Variants in PHC3 observed in about 807,000 individuals in gnomAD.
The protein encoded by PHC3 is polyhomeotic-like protein 3.
A neutral mutation model predicts 107.4 loss-of-function variants in PHC3; 13 were observed. That is an observed-to-expected ratio of 0.12 (90% CI 0.08 to 0.19). PHC3 has a LOEUF of 0.19. PHC3 is among the 10% of genes least tolerant of loss of function. The pLI is 1.00. For missense variants in PHC3, 992 were observed against 1,210.9 expected, an observed-to-expected ratio of 0.82 and a Z score of 2.68; for synonymous variants, 456 against 427.4, an observed-to-expected ratio of 1.07 and a Z score of -0.83.
At chr3:170,177,516 A>G (rs1215907748) in intron 2 of PHC3, among the ~76,000 whole-genome samples, 1 of 151,914 alleles carries the variant, frequency 6.6e-6, no homozygotes, top group Non-Finnish European at 1.5e-5. Context: ...ACAGGTATGC[A>G]TTACCATGCC....
chr3:170,168,583 G>A (rs1032776897), intron 4 of PHC3, among the ~76,000 whole-genome samples: 11 of 151,922 alleles, frequency 7.2e-5, no homozygotes, highest in African/African-American at 2.7e-4. Context: ...GGCTAAGACG[G>A]TGAAATCCCA....
chr3:170,159,948 C>T (rs1190385468), intron 4 of PHC3, among the ~76,000 whole-genome samples: 4 of 152,100 alleles, frequency 2.6e-5, no homozygotes, highest in Non-Finnish European at 5.9e-5. Context: ...AATTTTCAAG[C>T]CCACAAAGAT....
At chr3:170,172,775 T>C (rs1729811334) in intron 2 of PHC3, 63 bp from the exon 3 acceptor site, 1 of 1,523,544 alleles carries the variant, frequency 6.6e-7, no homozygotes, top group Non-Finnish European at 8.8e-7. Context: ...AATCAGAAAA[T>C]CAAAGTATAA....
At chr3:170,114,091 C>T (rs1446761924) in intron 10 of PHC3, among the ~76,000 whole-genome samples, 1 of 152,174 alleles carries the variant, frequency 6.6e-6, no homozygotes, top group African/African-American at 2.4e-5. Context: ...CTCACCACAA[C>T]CTCCACCTCC....
chr3:170,180,733 G>A (rs1357276710), intron 1 of PHC3, among the ~76,000 whole-genome samples: 2 of 152,098 alleles, frequency 1.3e-5, no homozygotes, highest in African/African-American at 4.8e-5. Context: ...GCCAGCTTAA[G>A]TTCTGGTTTT....
intron 4 of PHC3, among the ~76,000 whole-genome samples, chr3:170,156,109 A>G (rs1463883547): frequency 2.0e-5 from 3 of 152,164 alleles, no homozygotes; most frequent in Non-Finnish European, 4.4e-5. Flanking sequence ...AATGCTATAT[A>G]GAAATTTTAT....
At position 170,096,094 on chromosome 3, in the gene PHC3, GCA is replaced by G. The variant is rs1259489399; in HGVS notation, c.*1134_*1135del. The G allele has an allele frequency of 1.3e-5, 2 of 152,276 alleles. No individual in the cohort carries two copies. The highest frequency in any genetic ancestry group is 2.1e-4 in the South Asian group (1 of 4,826). The allele number at this position is 152,276 out of a possible 1,614,324, so 9.4% of individuals were successfully genotyped here. ...ATTATGTCTTCGTCAGTGCAGAGGAGCACAGAGGTATGAAAGATAATCAGAAT... is the reference window on the plus strand; with the variant it reads ...ATTATGTCTTCGTCAGTGCAGAGGAGCAGAGGTATGAAAGATAATCAGAAT... On this transcript the variant is annotated 3_prime_UTR_variant, in exon 15 of 15. Transcript: ENST00000495893.
At chr3:170,153,614 A>C (rs914405470) in intron 4 of PHC3, among the ~76,000 whole-genome samples, 2 of 151,952 alleles carry the variant, frequency 1.3e-5, no homozygotes, top group African/African-American at 4.8e-5. Flanking sequence ...ATACAAAAAA[A>C]TAGCCAGGCG....
chr3:170,103,179 G>A (rs1159524841), intron 12 of PHC3, among the ~76,000 whole-genome samples: 1 of 152,110 alleles, frequency 6.6e-6, no homozygotes, highest in East Asian at 1.9e-4. Flanking sequence ...ACAAGGTATT[G>A]TATTTTTTCC....
intron 4 of PHC3, among the ~76,000 whole-genome samples, chr3:170,152,925 G>C (rs1274856422): frequency 6.6e-6 from 1 of 152,088 alleles, no homozygotes; most frequent in Non-Finnish European, 1.5e-5. Flanking sequence ...GCCTCCCAAA[G>C]TGCTGGGATT....
chr3:170,178,777 A>G lies in PHC3; in HGVS notation c.176T>C (p.Val59Ala). ...SVYSGSDRHA[V>A]QVIQQALHRP... ...CCATCACTACAGCTGAAATACCTGT[A>G]CAGCATGTCGGTCTGAACCACTGTA... The change falls in exon 2 of 15, where the codon GTA (valine) becomes GCA (alanine). Residue 59 changes from valine (V) to alanine (A), a missense_variant. Physicochemically the swap from Val to Ala is moderately conservative, Grantham distance 64. This residue lies in a region of PHC3 where 161 missense variants were observed against 183.7 expected (regional missense o/e 0.88). Transcript: ENST00000495893. 1 of 1,613,990 alleles carries G rather than the reference A, an allele frequency of 6.2e-7. No individual in the cohort carries two copies. The highest frequency in any genetic ancestry group is 8.5e-7 in the Non-Finnish European group (1 of 1,179,848).
At chr3:170,163,931 G>A in intron 4 of PHC3, among the ~76,000 whole-genome samples, 1 of 151,312 alleles carries the variant, frequency 6.6e-6, no homozygotes, top group East Asian at 1.9e-4. Context: ...CAGGCACAGT[G>A]GCTCACGCCT....
At chr3:170,138,291 T>C (rs1001685320) in intron 6 of PHC3, among the ~76,000 whole-genome samples, 6 of 152,224 alleles carry the variant, frequency 3.9e-5, no homozygotes, top group Non-Finnish European at 8.8e-5. Flanking sequence ...AAGAATTTTC[T>C]AATTGAAACC....
At chr3:170,163,522 T>C (rs1728247804) in intron 4 of PHC3, among the ~76,000 whole-genome samples, 1 of 148,318 alleles carries the variant, frequency 6.7e-6, no homozygotes, top group African/African-American at 2.5e-5. Context: ...TGTCCTCACA[T>C]GAAAACAAAC....
At position 170,090,210 on chromosome 3, in the gene PHC3, C is replaced by T. The variant is rs1458332170; in HGVS notation, c.*7020G>A. ...ATTATGATATGATTCACTCAGACCC[C>T]TTAGATGTCATCTAGCCTAACCCTT... On this transcript the variant is annotated 3_prime_UTR_variant, in exon 15 of 15. Transcript: ENST00000495893. The T allele has an allele frequency of 2.0e-5, 3 of 152,160 alleles. No individual in the cohort carries two copies. Among genetic ancestry groups the T allele is most frequent in the African/African-American group, 4.8e-5 (2 of 41,422 alleles). 9.4% of individuals were successfully genotyped at this position (152,160 alleles called of 1,614,324 possible).
At chr3:170,116,355 G>C (rs1718964368) in intron 10 of PHC3, among the ~76,000 whole-genome samples, 1 of 152,170 alleles carries the variant, frequency 6.6e-6, no homozygotes, top group African/African-American at 2.4e-5. Flanking sequence ...CTTGAGGCCA[G>C]GAGTTTGAGA....
chr3:170,158,357 T>G (rs1192855818), intron 4 of PHC3, among the ~76,000 whole-genome samples: 1 of 151,676 alleles, frequency 6.6e-6, no homozygotes, highest in Non-Finnish European at 1.5e-5. Flanking sequence ...AGACTCCATC[T>G]CAACAAAAAA....
intron 14 of PHC3, 125 bp downstream of exon 14, chr3:170,102,354 C>T: frequency 6.9e-7 from 1 of 1,458,920 alleles, no homozygotes; most frequent in Non-Finnish European, 9.0e-7. Context: ...TAACAAATGT[C>T]ATTTTATTTA....
At position 170,097,693 on chromosome 3, in the gene PHC3, T is replaced by A. The variant is rs1714813661; in HGVS notation, c.2834-309A>T. ...TCCTTCACAAAAAGGACTATGGTGT[T>A]ACCTCAAAGCATGCCACATAACAGG... is the stretch of plus-strand genomic sequence containing the variant. On this transcript the variant is annotated intron_variant, in intron 14 of 14. Transcript: ENST00000495893. This position sits in a 1 kb window ranked among gnomAD's most constrained non-coding sequence, Gnocchi z 4.1. 1.3e-5 allele frequency among the ~76,000 whole-genome samples: 2 copies of A among 152,200 alleles called. No homozygotes were observed. Among genetic ancestry groups the A allele is most frequent in the Admixed American group, 6.5e-5 (1 of 15,274 alleles).
Sources: allele counts gnomAD v4.1 joint callset (sites outside exome capture counted in the v4.1 genomes callset), GRCh38; gene constraint gnomAD v4.1.1; regional missense constraint gnomAD v4.1.1; non-coding constraint Gnocchi (gnomAD v3.1); transcripts MANE v1.5; gene names NCBI Gene and HGNC (gene_info 2026-07-23, HGNC 2026-07-21).